Variants in GDAP1L1 observed in about 807,000 individuals in gnomAD.
The protein encoded by GDAP1L1 is ganglioside induced differentiation associated protein 1 like 1.
GDAP1L1 carries 21 observed loss-of-function variants against 37.1 expected under a neutral mutation model. The ratio of observed to expected loss-of-function variants is 0.57; its 90% CI spans 0.40 to 0.81. GDAP1L1 has a LOEUF of 0.81. Among genes scored for constraint, GDAP1L1 ranks in the 40% least tolerant of loss-of-function variants. The pLI, the probability that GDAP1L1 is intolerant of heterozygous loss-of-function variation, is 0.00. For synonymous variants in GDAP1L1, 193 were observed against 209.1 expected (o/e 0.92, Z 0.67); for missense variants, 362 against 491.6 (o/e 0.74, Z 2.49).
chr20:44,274,715 G>A (rs1334764311), intron 5 of GDAP1L1, among the ~76,000 whole-genome samples: 1 of 152,054 alleles, frequency 6.6e-6, no homozygotes, highest in Non-Finnish European at 1.5e-5. Flanking sequence ...TTTGCAGAGG[G>A]ACCCCGGGTT....
At chr20:44,264,783 T>A in intron 5 of GDAP1L1, 2 of 1,176,656 alleles carry the variant, frequency 1.7e-6, no homozygotes, top group Non-Finnish European at 2.2e-6. Flanking sequence ...TTCCCATCTA[T>A]AAAATGGGGA....
intron 3 of GDAP1L1, among the ~76,000 whole-genome samples, chr20:44,261,262 A>G (rs1240870292): frequency 6.6e-6 from 1 of 151,916 alleles, no homozygotes; most frequent in Non-Finnish European, 1.5e-5. Flanking sequence ...TGGAGTCTGA[A>G]GCCACCACAT....
In GDAP1L1 at chr20:44,279,414, C is replaced by A. The variant is rs532177970; in HGVS notation, c.*114C>A. 10 of 743,382 alleles carry A rather than the reference C, an allele frequency of 1.3e-5. No homozygotes were observed. Among genetic ancestry groups the A allele is most frequent in the Non-Finnish European group, 2.2e-5 (9 of 413,566 alleles). 46.0% of individuals were successfully genotyped at this position (743,382 alleles called of 1,614,324 possible). ...CACTTGGACAGCCCTCCCCGCCCTT[C>A]GTTCTGAGTAATAATACCGTCAGTG... On this transcript the variant is annotated 3_prime_UTR_variant, in exon 6 of 6. Transcript: ENST00000342560.
chr20:44,266,044 C>T (rs1473379656), intron 5 of GDAP1L1, among the ~76,000 whole-genome samples: 1 of 152,208 alleles, frequency 6.6e-6, no homozygotes, highest in Non-Finnish European at 1.5e-5. Context: ...CACAATGGCT[C>T]ACGCCTGTAA....
At chr20:44,266,455 G>C (rs1206448511) in intron 5 of GDAP1L1, among the ~76,000 whole-genome samples, 2 of 152,114 alleles carry the variant, frequency 1.3e-5, no homozygotes, top group African/African-American at 4.8e-5. Context: ...TCCCAGCTCT[G>C]CCATGCTCTC....
chr20:44,250,175 G>T (rs1255833989), intron 1 of GDAP1L1, among the ~76,000 whole-genome samples: 1 of 152,118 alleles, frequency 6.6e-6, no homozygotes, highest in Non-Finnish European at 1.5e-5. Flanking sequence ...TGGCTCCATT[G>T]GGCATTTGGA....
At chr20:44,265,848 C>T (rs999648568) in intron 5 of GDAP1L1, among the ~76,000 whole-genome samples, 1 of 152,154 alleles carries the variant, frequency 6.6e-6, no homozygotes, top group Non-Finnish European at 1.5e-5. Flanking sequence ...TGTTCCCTCT[C>T]GATGGGTCCA....
chr20:44,259,381 C>T (rs1016811918), intron 3 of GDAP1L1, among the ~76,000 whole-genome samples: 1 of 152,174 alleles, frequency 6.6e-6, no homozygotes, highest in Non-Finnish European at 1.5e-5. Flanking sequence ...ATGGTCATGT[C>T]GTCCCCCTCA....
intron 5 of GDAP1L1, among the ~76,000 whole-genome samples, chr20:44,272,214 G>GCAGAGGGC (rs1339054124): frequency 6.6e-6 from 1 of 152,220 alleles, no homozygotes; most frequent in East Asian, 1.9e-4. Flanking sequence ...GTGGAGACGT[G>GCAGAGGGC]GCATGGAGCA....
At chr20:44,255,493 G>A (rs1042881530) in intron 1 of GDAP1L1, among the ~76,000 whole-genome samples, 1 of 127,350 alleles carries the variant, frequency 7.9e-6, no homozygotes, top group Non-Finnish European at 1.6e-5. Context: ...AGTGAGCCGA[G>A]ATCGCACCAC....
intron 5 of GDAP1L1, among the ~76,000 whole-genome samples, chr20:44,276,464 G>GAAAGAAAGAAAGAAAGA (rs1568659668): frequency 6.8e-6 from 1 of 147,664 alleles, no homozygotes; most frequent in Non-Finnish European, 1.5e-5. Context: ...AAGAAAGAAA[G>GAAAGAAAGAAAGAAAGA]AAAAAGAAAG....
chr20:44,268,605 G>T (rs1367368925), intron 5 of GDAP1L1, among the ~76,000 whole-genome samples: 2 of 152,206 alleles, frequency 1.3e-5, no homozygotes, highest in Non-Finnish European at 2.9e-5. Context: ...GAGAGTAAAT[G>T]AGCAGGATAA....
intron 1 of GDAP1L1, among the ~76,000 whole-genome samples, chr20:44,253,168 C>T (rs181378247): frequency 2.3e-4 from 35 of 152,310 alleles, no homozygotes; most frequent in African/African-American, 7.9e-4. Context: ...ACGCACTCAC[C>T]GTCTTTTGAC....
chr20:44,262,338 C>A (rs1433818487), intron 3 of GDAP1L1, among the ~76,000 whole-genome samples: 2 of 151,930 alleles, frequency 1.3e-5, no homozygotes, highest in African/African-American at 4.8e-5. Flanking sequence ...GAGGAAGAAT[C>A]AACAGGACCT....
chr20:44,272,527 G>A (rs1030874027), intron 5 of GDAP1L1, among the ~76,000 whole-genome samples: 4 of 152,180 alleles, frequency 2.6e-5, no homozygotes, highest in African/African-American at 4.8e-5. Context: ...TGGGCTTTGC[G>A]GTCCTGACAT....
chr20:44,247,116 G>A (rs1366004241), upstream of GDAP1L1: 6 of 590,780 alleles, frequency 1.0e-5, no homozygotes, highest in Non-Finnish European at 1.8e-5. Context: ...GCCTGACACT[G>A]AGGGCTGGCG....
intron 5 of GDAP1L1, among the ~76,000 whole-genome samples, chr20:44,278,446 T>C: frequency 6.6e-6 from 1 of 152,166 alleles, no homozygotes; most frequent in Non-Finnish European, 1.5e-5. Flanking sequence ...AGTGGCACTG[T>C]CTTGGCTCAC....
chr20:44,279,237 C>T lies in GDAP1L1; in HGVS notation c.1041C>T (p.Leu347=). The T allele has an allele frequency of 1.9e-6, 3 of 1,614,048 alleles. No homozygotes were observed. The South Asian group carries it at 3.3e-5, about 18-fold the overall frequency. The change falls in exon 6 of 6, where the codon CTC becomes CTT. Residue 347 remains leucine (L), a synonymous_variant. Transcript: ENST00000342560. ...KPPSFFGASF[L]MGSLGGMGYF... Reference sequence around the variant, plus strand: ...CATCCTTCTTCGGGGCGTCCTTCCTCATGGGCTCCCTGGGTGGGATGGGCT... The same window carrying T: ...CATCCTTCTTCGGGGCGTCCTTCCTTATGGGCTCCCTGGGTGGGATGGGCT...
At chr20:44,276,975 A>G (rs188444568) in intron 5 of GDAP1L1, among the ~76,000 whole-genome samples, 121 of 152,152 alleles carry the variant, frequency 8.0e-4, no homozygotes, top group Non-Finnish European at 1.4e-3. Context: ...CAGACCACCA[A>G]TTTATAATTT....
Sources: allele counts gnomAD v4.1 joint callset (sites outside exome capture counted in the v4.1 genomes callset), GRCh38; gene constraint gnomAD v4.1.1; transcripts MANE v1.5; gene names NCBI Gene and HGNC (gene_info 2026-07-23, HGNC 2026-07-21).